MAP7: variants seen among roughly 807,000 people sequenced by gnomAD.
MAP7 encodes microtubule associated protein 7, also known as ensconsin.
A neutral mutation model predicts 94.8 loss-of-function variants in MAP7; 52 were observed. That is an observed-to-expected ratio of 0.55 (90% CI 0.44 to 0.69). The LOEUF is 0.69. Among genes scored for constraint, MAP7 ranks in the 30% least tolerant of loss-of-function variants. MAP7 has a pLI of 0.00. For synonymous variants in MAP7, 350 were observed against 357.0 expected (o/e 0.98, Z 0.22); for missense variants, 940 against 964.6 (o/e 0.97, Z 0.34).
chr6:136,502,224 A>G (rs1489812923), intron 1 of MAP7, among the ~76,000 whole-genome samples: 1 of 152,258 alleles, frequency 6.6e-6, no homozygotes. Flanking sequence ...ACCAAGGAGC[A>G]GCAAATGAAG....
intron 4 of MAP7, 75 bp from the exon 5 acceptor site, chr6:136,388,585 G>A: frequency 1.8e-6 from 2 of 1,122,250 alleles, no homozygotes; most frequent in Non-Finnish European, 2.7e-6. Context: ...AGGCAGAATG[G>A]AGTGAGGAGT....
rs1365620029 is a variant in MAP7 at position 136,423,795 on chromosome 6, G to GT, written c.68-1997dup. The stretch of plus-strand genomic sequence containing the variant: ...ACAGGGAGTTGTGTTTTTTTTTTTT[G>GT]TTTTTTTGTTTTGTTTTTTGAGACA... On this transcript the variant is annotated intron_variant, in intron 1 of 17. Coordinates refer to ENST00000354570, the MANE Select transcript of MAP7 (RefSeq NM_003980.6). Among the ~76,000 whole-genome samples the GT allele has an allele frequency of 2.3e-3, 217 of 93,562 alleles. 2 individuals carry two copies. Among genetic ancestry groups the GT allele is most frequent in the Non-Finnish European group, 3.3e-3 (141 of 42,356 alleles). The allele number at this position is 93,562 out of a possible 152,430, so 61.4% of individuals were successfully genotyped here.
intron 3 of MAP7, among the ~76,000 whole-genome samples, chr6:136,390,038 G>A (rs1009462925): frequency 1.3e-5 from 2 of 152,198 alleles, no homozygotes; most frequent in Non-Finnish European, 2.9e-5. Context: ...CGAACAAGCA[G>A]GTGGCCTTGT....
chr6:136,528,974 T>A (rs1331184511), intron 1 of MAP7, among the ~76,000 whole-genome samples: 1 of 152,252 alleles, frequency 6.6e-6, no homozygotes, highest in African/African-American at 2.4e-5. Context: ...ATTCCAGGAA[T>A]ACTGTGGCTT....
rs768965814 is a variant in MAP7, at chr6:136,525,828, A to G, written c.67+24514T>C. On this transcript the variant is annotated intron_variant, in intron 1 of 17. Coordinates refer to ENST00000354570, the MANE Select transcript of MAP7 (RefSeq NM_003980.6). ...TCCGACCAAAGGGTGGAGCTAATGC[A>G]TACCTTTTGGTCTTCTGGAATTTCC... 1.3e-4 allele frequency: 200 copies of G among 1,534,260 alleles called. 1 individual carries two copies. The highest frequency in any genetic ancestry group is 1.8e-4 in the Admixed American group (9 of 50,626).
chr6:136,498,802 T>C (rs1431618933), intron 1 of MAP7, among the ~76,000 whole-genome samples: 2 of 151,810 alleles, frequency 1.3e-5, no homozygotes, highest in Non-Finnish European at 2.9e-5. Context: ...ACTTAAATAA[T>C]AAAGAAATTT....
chr6:136,420,393 G>A (rs1790928350), intron 2 of MAP7: 1 of 540,280 alleles, frequency 1.9e-6, no homozygotes, highest in Admixed American at 3.3e-5. Flanking sequence ...CAGGAGGCCA[G>A]GGGAACTCAG....
intron 15 of MAP7, among the ~76,000 whole-genome samples, chr6:136,357,421 A>C (rs1791326207): frequency 6.6e-6 from 1 of 152,192 alleles, no homozygotes; most frequent in Non-Finnish European, 1.5e-5. Context: ...AGAGTTTCAG[A>C]TATATCTGTG....
At chr6:136,372,150 C>A (rs1774704543) in intron 8 of MAP7, among the ~76,000 whole-genome samples, 1 of 152,166 alleles carries the variant, frequency 6.6e-6, no homozygotes, top group Admixed American at 6.5e-5. Flanking sequence ...GCCCACTTCC[C>A]CTTCAAAGGC....
chr6:136,390,655 A>AAAAT (rs1562344941), intron 3 of MAP7, among the ~76,000 whole-genome samples: 1 of 152,206 alleles, frequency 6.6e-6, no homozygotes, highest in Non-Finnish European at 1.5e-5. Context: ...CTCTGTCTCA[A>AAAAT]AAACAAACAA....
chr6:136,394,039 G>A (rs981856242), intron 3 of MAP7, among the ~76,000 whole-genome samples: 7 of 139,788 alleles, frequency 5.0e-5, no homozygotes, highest in South Asian at 2.3e-4. Context: ...GCTAGAGTCC[G>A]GTAGTGCAAT....
chr6:136,450,334 C>T (rs1293316963), intron 1 of MAP7, among the ~76,000 whole-genome samples: 1 of 152,008 alleles, frequency 6.6e-6, no homozygotes, highest in Non-Finnish European at 1.5e-5. Flanking sequence ...ATAGCAATTT[C>T]CCACTAACAA....
chr6:136,509,088 C>T (rs181163942), intron 1 of MAP7, among the ~76,000 whole-genome samples: 1 of 152,280 alleles, frequency 6.6e-6, no homozygotes, highest in East Asian at 1.9e-4. Flanking sequence ...GTTATAATGG[C>T]TCACAATAAA....
intron 1 of MAP7, among the ~76,000 whole-genome samples, chr6:136,423,336 A>T (rs982511619): frequency 3.9e-5 from 6 of 152,204 alleles, no homozygotes; most frequent in Non-Finnish European, 8.8e-5. Flanking sequence ...AAATTAAACG[A>T]GATAACGTAC....
At chr6:136,411,745 A>G in intron 2 of MAP7, 48 bp from the exon 3 acceptor site, 2 of 1,428,116 alleles carry the variant, frequency 1.4e-6, no homozygotes, top group South Asian at 1.3e-5. Context: ...GGATTAAAAA[A>G]AAAAAGAAAA....
chr6:136,527,138 G>A (rs1390756705), intron 1 of MAP7, among the ~76,000 whole-genome samples: 1 of 152,180 alleles, frequency 6.6e-6, no homozygotes, highest in African/African-American at 2.4e-5. Flanking sequence ...GCTGAGCAAT[G>A]CTCAACACTT....
At chr6:136,514,145 C>T (rs1824069109) in intron 1 of MAP7, among the ~76,000 whole-genome samples, 1 of 152,134 alleles carries the variant, frequency 6.6e-6, no homozygotes, top group Non-Finnish European at 1.5e-5. Flanking sequence ...ATTTTCTTTG[C>T]CCAGATCCAT....
intron 2 of MAP7, among the ~76,000 whole-genome samples, chr6:136,414,893 C>A (rs1198858376): frequency 6.6e-6 from 1 of 151,442 alleles, no homozygotes; most frequent in African/African-American, 2.4e-5. Flanking sequence ...CAGCTCACTG[C>A]AACCTCTGCC....
intron 3 of MAP7, among the ~76,000 whole-genome samples, chr6:136,395,848 T>C (rs1782309294): frequency 6.6e-6 from 1 of 152,186 alleles, no homozygotes; most frequent in African/African-American, 2.4e-5. Flanking sequence ...GTACCTTTGT[T>C]GAAAATCAGT....
Sources: gnomAD v4.1 joint callset for allele counts (sites outside exome capture counted in the v4.1 genomes callset) on GRCh38, gnomAD v4.1.1 for gene constraint, MANE v1.5 for transcripts, NCBI Gene and HGNC (gene_info 2026-07-23, HGNC 2026-07-21) for gene names.